The following RUNDC3B variants were observed in gnomAD, a reference collection of about 807,000 sequenced individuals.
RUNDC3B encodes the protein RUN domain-containing protein 3B.
A neutral mutation model predicts 58.4 loss-of-function variants in RUNDC3B; 33 were observed. That is an observed-to-expected ratio of 0.56 (90% confidence interval 0.43 to 0.75). RUNDC3B has a LOEUF of 0.75. RUNDC3B is among the 30% of genes least tolerant of loss of function. The pLI is 0.00. For synonymous variants in RUNDC3B, 193 were observed against 195.2 expected (o/e 0.99, Z 0.10); for missense variants, 501 against 535.7 (o/e 0.94, Z 0.64).
intron 8 of RUNDC3B, among the ~76,000 whole-genome samples, chr7:87,781,538 G>C (rs1300887715): frequency 6.6e-6 from 1 of 152,078 alleles, no homozygotes; most frequent in Non-Finnish European, 1.5e-5. Flanking sequence ...GGAGTGGCCA[G>C]AGTGGGTGTC....
At chr7:87,827,400 T>C (rs552615935) in intron 10 of RUNDC3B, among the ~76,000 whole-genome samples, 3 of 152,172 alleles carry the variant, frequency 2.0e-5, no homozygotes, top group African/African-American at 7.2e-5. Flanking sequence ...GGCAGGTGAA[T>C]TGCTTGAACC....
chr7:87,773,355 CA>C (rs1248398190), intron 7 of RUNDC3B, among the ~76,000 whole-genome samples: 1 of 147,936 alleles, frequency 6.8e-6, no homozygotes, highest in Non-Finnish European at 1.5e-5. Flanking sequence ...TAAGCATTCA[CA>C]AAGAATATAT....
At chr7:87,789,231 G>A (rs1227996381) in intron 8 of RUNDC3B, among the ~76,000 whole-genome samples, 1 of 152,204 alleles carries the variant, frequency 6.6e-6, no homozygotes, top group African/African-American at 2.4e-5. Context: ...GTTAGCTGAT[G>A]AATGTTTTTT....
intron 6 of RUNDC3B, among the ~76,000 whole-genome samples, chr7:87,759,571 G>T (rs1043415708): frequency 6.6e-6 from 1 of 151,918 alleles, no homozygotes; most frequent in Admixed American, 6.6e-5. Context: ...CTGAGGCAGG[G>T]GGATCACTTG....
intron 6 of RUNDC3B, 61 bp from the exon 7 acceptor site, chr7:87,770,520 G>A: frequency 7.6e-7 from 1 of 1,320,400 alleles, no homozygotes; most frequent in Non-Finnish European, 1.1e-6. Flanking sequence ...AAATGTAAAA[G>A]TGTTTAAGAA....
At chr7:87,797,890 T>C (rs192555162) in intron 8 of RUNDC3B, among the ~76,000 whole-genome samples, 44 of 152,326 alleles carry the variant, frequency 2.9e-4, no homozygotes, top group Admixed American at 2.5e-3. Flanking sequence ...AAAGGGATGA[T>C]GTCAATGTAG....
intron 2 of RUNDC3B, among the ~76,000 whole-genome samples, chr7:87,657,887 G>C (rs1824273058): frequency 6.6e-6 from 1 of 152,092 alleles, no homozygotes; most frequent in African/African-American, 2.4e-5. Flanking sequence ...CAGTAATGAA[G>C]CAATGCCCCC....
chr7:87,802,519 T>C (rs1836225329), intron 8 of RUNDC3B, among the ~76,000 whole-genome samples: 2 of 152,104 alleles, frequency 1.3e-5, no homozygotes, highest in Admixed American at 1.3e-4. Context: ...AGAGTGACTA[T>C]AGTCAAAAGT....
At chr7:87,644,266 A>C (rs1162966138) in intron 1 of RUNDC3B, among the ~76,000 whole-genome samples, 1 of 152,214 alleles carries the variant, frequency 6.6e-6, no homozygotes, top group Non-Finnish European at 1.5e-5. Flanking sequence ...GCTTATTATC[A>C]CCTATAGTCA....
At chr7:87,791,495 TA>T (rs1402445512) in intron 8 of RUNDC3B, among the ~76,000 whole-genome samples, 4 of 151,862 alleles carry the variant, frequency 2.6e-5, no homozygotes, top group Admixed American at 2.6e-4. Context: ...GATGAACCAA[TA>T]AAAAATAACT....
chr7:87,779,618 GGTAGTTTAAAAATTTCAACTTCTATTTT>G lies in RUNDC3B; in HGVS notation c.956+1665_956+1692del, dbSNP rs1451625239. ...TTAATTAACATGTAATTTATAAGTAGGTAGTTTAAAAATTTCAACTTCTATTTTGCATTCAGGAGGTATATTTGCAGGT... is the reference window on the plus strand; with the variant it reads ...TTAATTAACATGTAATTTATAAGTAGGCATTCAGGAGGTATATTTGCAGGT... On this transcript the variant is annotated intron_variant, in intron 8 of 10. Transcript: ENST00000394654. Among the ~76,000 whole-genome samples, 17 of 152,150 alleles carry G rather than the reference GGTAGTTTAAAAATTTCAACTTCTATTTT, an allele frequency of 1.1e-4. No individual in the cohort carries two copies. The East Asian group carries it at 3.3e-3, about 29-fold the overall frequency.
intron 6 of RUNDC3B, among the ~76,000 whole-genome samples, chr7:87,753,406 T>G (rs1006369019): frequency 6.6e-6 from 1 of 152,050 alleles, no homozygotes; most frequent in African/African-American, 2.4e-5. Context: ...GGTGCAGAGC[T>G]GAGTTCAATT....
At chr7:87,698,809 A>G (rs1563142809) in intron 2 of RUNDC3B, among the ~76,000 whole-genome samples, 1 of 152,242 alleles carries the variant, frequency 6.6e-6, no homozygotes, top group African/African-American at 2.4e-5. Flanking sequence ...AAGTAAGCAC[A>G]GGGTCCTGTG....
chr7:87,713,663 AAGAG>A (rs1199028453), intron 4 of RUNDC3B, among the ~76,000 whole-genome samples: 2 of 151,626 alleles, frequency 1.3e-5, no homozygotes, highest in African/African-American at 4.8e-5. Flanking sequence ...AAAAAAAAAA[AAGAG>A]AGAGACTTCT....
At chr7:87,632,394 GT>G (rs796673014) in intron 1 of RUNDC3B, among the ~76,000 whole-genome samples, 160 of 152,070 alleles carry the variant, frequency 1.1e-3, no homozygotes, top group African/African-American at 3.8e-3. Context: ...TAATTCATTA[GT>G]TTTTTTTAGT....
At chr7:87,721,157 TTATAA>T (rs1272764878) in intron 4 of RUNDC3B, among the ~76,000 whole-genome samples, 2 of 150,986 alleles carry the variant, frequency 1.3e-5, no homozygotes, top group East Asian at 3.9e-4. Context: ...GTATATATAA[TTATAA>T]TATGTAGCAG....
At chr7:87,659,324 G>T in intron 2 of RUNDC3B, 1 of 287,806 alleles carries the variant, frequency 3.5e-6, no homozygotes, top group Non-Finnish European at 6.8e-6. Context: ...CTAGGGGGCT[G>T]TTTGAATACT....
chr7:87,766,809 T>A (rs1834001818), intron 6 of RUNDC3B, among the ~76,000 whole-genome samples: 1 of 152,142 alleles, frequency 6.6e-6, no homozygotes, highest in Admixed American at 6.5e-5. Flanking sequence ...TCAGGAAAAT[T>A]TTCCTGAATT....
chr7:87,640,503 C>A (rs2188522), intron 1 of RUNDC3B, among the ~76,000 whole-genome samples: 4,720 of 151,982 alleles, frequency 0.031, 73 homozygotes, highest in Middle Eastern at 0.048. Flanking sequence ...ACCACCACAC[C>A]CAGCTAATTT....
Sources: allele counts gnomAD v4.1 joint callset (sites outside exome capture counted in the v4.1 genomes callset), GRCh38; gene constraint gnomAD v4.1.1; transcripts MANE v1.5; gene names NCBI Gene and HGNC (gene_info 2026-07-23, HGNC 2026-07-21).